Variants in DPYD observed in about 807,000 individuals in gnomAD.
DPYD encodes dihydropyrimidine dehydrogenase [NADP(+)].
Under a neutral mutation model 116.2 loss-of-function variants are expected in DPYD, and 109 were observed. The ratio of observed to expected loss-of-function variants is 0.94; its 90% confidence interval spans 0.80 to 1.10. DPYD has a LOEUF of 1.10. DPYD is among the 50% of genes least tolerant of loss of function. The probability of loss-of-function intolerance (pLI) is 0.00; values close to 1 mark genes in which losing one functional copy is unlikely to be tolerated. For missense variants in DPYD, 1,302 were observed against 1,254.5 expected (o/e 1.04, Z -0.57); for synonymous variants, 440 against 432.0 (o/e 1.02, Z -0.23).
intron 12 of DPYD, among the ~76,000 whole-genome samples, chr1:97,538,897 T>A (rs1208439145): frequency 6.6e-6 from 1 of 152,146 alleles, no homozygotes; most frequent in Non-Finnish European, 1.5e-5. Flanking sequence ...GTTGACAAAT[T>A]GGAAGAAATA....
At chr1:97,653,265 G>A (rs1434725485) in intron 8 of DPYD, among the ~76,000 whole-genome samples, 1 of 151,136 alleles carries the variant, frequency 6.6e-6, no homozygotes, top group Non-Finnish European at 1.5e-5. Context: ...AGGTAAAAGT[G>A]GCCTTTCATA....
intron 11 of DPYD, among the ~76,000 whole-genome samples, chr1:97,572,890 C>CA (rs1553197704): frequency 6.6e-6 from 1 of 151,852 alleles, no homozygotes; most frequent in Non-Finnish European, 1.5e-5. Context: ...CAACTTCAGA[C>CA]AAAAAATGTA....
chr1:97,748,375 A>G (rs1281949667), intron 3 of DPYD, among the ~76,000 whole-genome samples: 1 of 152,128 alleles, frequency 6.6e-6, no homozygotes, highest in Non-Finnish European at 1.5e-5. Context: ...GTGGGAGGCC[A>G]CGGCGGGCGG....
At chr1:97,598,687 A>C in intron 8 of DPYD, among the ~76,000 whole-genome samples, 1 of 152,304 alleles carries the variant, frequency 6.6e-6, no homozygotes, top group South Asian at 2.1e-4. Context: ...AATTTAAATT[A>C]ACTTTTATTG....
chr1:97,339,921 A>G (rs568558253), intron 16 of DPYD, among the ~76,000 whole-genome samples: 1 of 152,180 alleles, frequency 6.6e-6, no homozygotes, highest in Non-Finnish European at 1.5e-5. Context: ...AAGGAGTTTA[A>G]AAGTCTCTAA....
intron 8 of DPYD, among the ~76,000 whole-genome samples, chr1:97,674,813 T>C (rs1007776099): frequency 6.6e-6 from 1 of 152,216 alleles, no homozygotes; most frequent in African/African-American, 2.4e-5. Context: ...GATTTCTTTA[T>C]TGTTTTTTAA....
intron 13 of DPYD, among the ~76,000 whole-genome samples, chr1:97,511,880 C>A (rs893963109): frequency 1.3e-5 from 2 of 151,904 alleles, no homozygotes; most frequent in Non-Finnish European, 2.9e-5. Flanking sequence ...GCTTATACAA[C>A]AATCTAAGTC....
At chr1:97,571,939 T>A (rs115587017) in intron 11 of DPYD, among the ~76,000 whole-genome samples, 1,867 of 152,072 alleles carry the variant, frequency 0.012, 23 homozygotes, top group Non-Finnish European at 0.021. Flanking sequence ...AGTCCAGGAA[T>A]GAATGCTATC....
Position 97,699,527 on chromosome 1 carries a change from G to T in DPYD, c.504C>A (p.Ile168=). 6.2e-7 allele frequency: 1 copy of T among 1,613,446 alleles called. No individual in the cohort carries two copies. Among genetic ancestry groups the T allele is most frequent in the South Asian group, 1.1e-5 (1 of 91,042 alleles). Residue 168 remains isoleucine (I), a synonymous_variant, in exon 6 of 23, where the codon ATC becomes ATA. Coordinates refer to ENST00000370192, the MANE Select transcript of DPYD (RefSeq NM_000110.4). Reference sequence around the variant, plus strand: ...GCAGCGAAGGATTTCTGATCTGTGGGATACTCATTGCTTTGAATACCTACG... The same window carrying T: ...GCAGCGAAGGATTTCTGATCTGTGGTATACTCATTGCTTTGAATACCTACG... The part of the protein sequence containing the change: ...FATEVFKAMS[I]PQIRNPSLPP...
intron 8 of DPYD, among the ~76,000 whole-genome samples, chr1:97,666,977 T>A (rs1557871204): frequency 2.0e-5 from 3 of 152,230 alleles, no homozygotes; most frequent in African/African-American, 4.8e-5. Flanking sequence ...TGGTGCATCA[T>A]CTGCTGAGCA....
At chr1:97,107,014 G>A (rs1047020412) in intron 20 of DPYD, among the ~76,000 whole-genome samples, 8 of 152,004 alleles carry the variant, frequency 5.3e-5, no homozygotes, top group South Asian at 2.1e-4. Context: ...TCTAATACAC[G>A]TAGTATTCGG....
At chr1:97,766,658 G>A in intron 3 of DPYD, among the ~76,000 whole-genome samples, 1 of 152,058 alleles carries the variant, frequency 6.6e-6, no homozygotes, top group South Asian at 2.1e-4. Flanking sequence ...TTAAAGAGTG[G>A]TCCCACAAAT....
At chr1:97,406,554 C>T (rs1463906734) in intron 14 of DPYD, among the ~76,000 whole-genome samples, 1 of 140,472 alleles carries the variant, frequency 7.1e-6, no homozygotes, top group Non-Finnish European at 1.5e-5. Flanking sequence ...CCTCCCCTAG[C>T]CCCCCACCCC....
chr1:97,246,502 C>A (rs1283396625), intron 18 of DPYD, among the ~76,000 whole-genome samples: 2 of 152,000 alleles, frequency 1.3e-5, no homozygotes, highest in South Asian at 2.1e-4. Flanking sequence ...AGGTCTGGGG[C>A]TAAAAATTAG....
intron 16 of DPYD, among the ~76,000 whole-genome samples, chr1:97,317,801 T>C (rs2101085250): frequency 6.6e-6 from 1 of 152,072 alleles, no homozygotes; most frequent in South Asian, 2.1e-4. Flanking sequence ...CCTGGGAATG[T>C]TATGAAATCC....
chr1:97,089,338 T>C lies in DPYD; in HGVS notation c.2767-6868A>G, dbSNP rs1327825570. On this transcript the variant is annotated intron_variant, in intron 21 of 22. Coordinates refer to ENST00000370192, the MANE Select transcript of DPYD (RefSeq NM_000110.4). Reference sequence around the variant, plus strand: ...TCTCAAGTCTCTGTTATATGCTGCCTGGGAATAAAGCACGTTTCTCATTTA... The same window carrying C: ...TCTCAAGTCTCTGTTATATGCTGCCCGGGAATAAAGCACGTTTCTCATTTA... 2.0e-5 allele frequency among the ~76,000 whole-genome samples: 3 copies of C among 152,150 alleles called. No homozygotes were observed. In the East Asian group the frequency reaches 5.8e-4, roughly 29 times the overall value.
intron 10 of DPYD, among the ~76,000 whole-genome samples, chr1:97,580,906 C>A (rs1653611232): frequency 6.6e-6 from 1 of 152,096 alleles, no homozygotes; most frequent in Admixed American, 6.6e-5. Flanking sequence ...TTACTTCCTA[C>A]CTCCGCATTC....
chr1:97,221,422 A>G (rs1039181666), intron 19 of DPYD, among the ~76,000 whole-genome samples: 1 of 152,160 alleles, frequency 6.6e-6, no homozygotes, highest in East Asian at 1.9e-4. Context: ...AAATCTATAA[A>G]TGGGGTTAAA....
intron 3 of DPYD, among the ~76,000 whole-genome samples, chr1:97,787,290 A>G (rs529261460): frequency 6.6e-6 from 1 of 152,350 alleles, no homozygotes; most frequent in South Asian, 2.1e-4. Context: ...TCTAAAGTAA[A>G]ATGAAATAAG....
Sources: gnomAD v4.1 joint callset for allele counts (sites outside exome capture counted in the v4.1 genomes callset) on GRCh38, gnomAD v4.1.1 for gene constraint, MANE v1.5 for transcripts, NCBI Gene and HGNC (gene_info 2026-07-23, HGNC 2026-07-21) for gene names.